SSH1: variants seen among roughly 807,000 people sequenced by gnomAD.
SSH1 encodes protein phosphatase Slingshot homolog 1.
Under a neutral mutation model 79.7 loss-of-function variants are expected in SSH1, and 43 were observed. The ratio of observed to expected loss-of-function variants is 0.54; its 90% CI spans 0.42 to 0.70. SSH1 has a LOEUF of 0.70. SSH1 is among the 30% of genes least tolerant of loss of function. SSH1 has a pLI of 0.00. For missense variants in SSH1, 1,206 were observed against 1,358.8 expected (o/e 0.89, Z 1.77); for synonymous variants, 599 against 538.3 (o/e 1.11, Z -1.56).
In SSH1 at chr12:108,782,389, G is replaced by A. The variant is rs1299714003; in HGVS notation, c.*5599C>T. Reference sequence around the variant, plus strand: ...TGTACGGGAAGAGAACCCACCCAAAGTCCAAATCCTTTCCTGGTGGGTAAC... The same window carrying A: ...TGTACGGGAAGAGAACCCACCCAAAATCCAAATCCTTTCCTGGTGGGTAAC... On this transcript the variant is annotated 3_prime_UTR_variant, in exon 15 of 15. Transcript: ENST00000326495. 6.6e-6 allele frequency: 1 copy of A among 151,826 alleles called. No individual in the cohort carries two copies. The highest frequency in any genetic ancestry group is 1.9e-4 in the East Asian group (1 of 5,186). The allele number at this position is 151,826 out of a possible 1,614,324, so 9.4% of individuals were successfully genotyped here.
chr12:108,840,132 G>A (rs1337817616), intron 2 of SSH1, among the ~76,000 whole-genome samples: 3 of 152,140 alleles, frequency 2.0e-5, no homozygotes, highest in African/African-American at 2.4e-5. Context: ...GCTGGCCAGC[G>A]TGGCTTCCTC....
chr12:108,823,825 G>A (rs2137193182), intron 2 of SSH1, among the ~76,000 whole-genome samples: 1 of 152,234 alleles, frequency 6.6e-6, no homozygotes, highest in South Asian at 2.1e-4. Context: ...GTGCCACCAT[G>A]GCCAGCTAAT....
chr12:108,810,777 C>G (rs893599723), intron 6 of SSH1, among the ~76,000 whole-genome samples: 1 of 152,242 alleles, frequency 6.6e-6, no homozygotes, highest in Non-Finnish European at 1.5e-5. Context: ...CATCCCCCGA[C>G]TGCCTGCCCG....
At chr12:108,827,309 G>A (rs1460636393) in intron 2 of SSH1, 8 of 1,551,132 alleles carry the variant, frequency 5.2e-6, no homozygotes, top group Non-Finnish European at 7.0e-6. Context: ...TGGGTTGGCT[G>A]AAGGAAGATG....
At chr12:108,814,243 T>G (rs1168617657) in intron 5 of SSH1, among the ~76,000 whole-genome samples, 2 of 151,760 alleles carry the variant, frequency 1.3e-5, no homozygotes, top group Admixed American at 1.3e-4. Flanking sequence ...AACAAAAACT[T>G]TGAGAGTGCG....
intron 2 of SSH1, among the ~76,000 whole-genome samples, chr12:108,825,757 C>T (rs2038286755): frequency 6.6e-6 from 1 of 152,184 alleles, no homozygotes; most frequent in Non-Finnish European, 1.5e-5. Context: ...CGAGAAGCAG[C>T]CTTTCTTTGC....
chr12:108,845,137 A>G (rs1421553729), intron 2 of SSH1, among the ~76,000 whole-genome samples: 3 of 148,942 alleles, frequency 2.0e-5, no homozygotes, highest in African/African-American at 7.4e-5. Flanking sequence ...TGAACCCAGG[A>G]GGCAGAGGCT....
intron 2 of SSH1, among the ~76,000 whole-genome samples, chr12:108,850,698 T>G (rs961369273): frequency 1.8e-5 from 1 of 56,012 alleles, no homozygotes; most frequent in Non-Finnish European, 3.3e-5. Flanking sequence ...GGAGGGGATT[T>G]GGGGGAGGGA....
chr12:108,811,514 T>G (rs2037596823), intron 5 of SSH1, 186 bp from the exon 6 acceptor site: 1 of 654,962 alleles, frequency 1.5e-6, no homozygotes, highest in Non-Finnish European at 2.8e-6. Flanking sequence ...TGGACACAAC[T>G]CCGTAAGTGC....
chr12:108,827,766 CTCTT>C (rs2038363950), intron 2 of SSH1, among the ~76,000 whole-genome samples: 1 of 152,212 alleles, frequency 6.6e-6, no homozygotes, highest in Non-Finnish European at 1.5e-5. Flanking sequence ...TGAAGGATGA[CTCTT>C]TCTTTCAAAT....
At chr12:108,789,526 G>C (rs567633085) in intron 14 of SSH1, among the ~76,000 whole-genome samples, 1 of 152,156 alleles carries the variant, frequency 6.6e-6, no homozygotes, top group Non-Finnish European at 1.5e-5. Context: ...CTAAGTGAAC[G>C]TGACACATGC....
chr12:108,830,216 C>A (rs1483500145), intron 2 of SSH1, among the ~76,000 whole-genome samples: 2 of 152,154 alleles, frequency 1.3e-5, no homozygotes, highest in African/African-American at 4.8e-5. Context: ...CTTTGGGAGG[C>A]CAAGGTGGGT....
At chr12:108,827,372 C>G in intron 2 of SSH1, 1 of 1,536,830 alleles carries the variant, frequency 6.5e-7, no homozygotes, top group Admixed American at 2.0e-5. Context: ...ACATCTCTAA[C>G]GCTCCCTACA....
At chr12:108,828,027 C>T (rs1478261157) in intron 2 of SSH1, among the ~76,000 whole-genome samples, 3 of 152,132 alleles carry the variant, frequency 2.0e-5, no homozygotes, top group Admixed American at 2.0e-4. Context: ...CCTCCAGGCA[C>T]AAGCCAGCCA....
In SSH1 at chr12:108,851,349, T is replaced by G. The variant is rs748928816; in HGVS notation, c.110+1289A>C. On this transcript the variant is annotated intron_variant, in intron 2 of 14. Transcript: ENST00000326495. ...ATTTCTACCAGTTCTGCATATGAGT[T>G]TGACCAGAACACCCTGCTGTCGGTA... is the stretch of plus-strand genomic sequence containing the variant. Among the ~76,000 whole-genome samples the G allele has an allele frequency of 7.2e-5, 11 of 152,340 alleles. 1 individual carries two copies. In the South Asian group the frequency reaches 2.3e-3, roughly 32 times the overall value.
chr12:108,854,753 A>G, intron 1 of SSH1, among the ~76,000 whole-genome samples: 1 of 152,232 alleles, frequency 6.6e-6, no homozygotes, highest in South Asian at 2.1e-4. Context: ...ACATCTGCCA[A>G]GGAACACATG....
Position 108,805,151 on chromosome 12 carries a change from T to C in SSH1, c.859A>G (p.Asn287Asp). The change falls in exon 10 of 15, where the codon AAC becomes GAC. Residue 287 changes from asparagine to aspartate, a missense_variant. Coordinates refer to ENST00000326495, the MANE Select transcript of SSH1 (RefSeq NM_018984.4). The part of the protein sequence containing the change: ...RNELEKQMNC[N>D]LKELKEFIDN... The stretch of plus-strand genomic sequence containing the variant: ...ATAAATTCCTTGAGTTCCTTCAAGT[T>C]ACAATTCATCTGTTTCTCTAATTCA... 6.2e-7 allele frequency: 1 copy of C among 1,613,684 alleles called. No individual in the cohort carries two copies. The highest frequency in any genetic ancestry group is 1.1e-5 in the South Asian group (1 of 91,080).
chr12:108,845,674 C>T (rs1056708192), intron 2 of SSH1, among the ~76,000 whole-genome samples: 7 of 152,102 alleles, frequency 4.6e-5, no homozygotes, highest in African/African-American at 1.7e-4. Context: ...GCAACGTGAG[C>T]GAAACTCCAT....
At chr12:108,809,456 CAA>C (rs200047288) in intron 7 of SSH1, among the ~76,000 whole-genome samples, 13 of 114,176 alleles carry the variant, frequency 1.1e-4, no homozygotes, top group Non-Finnish European at 1.3e-4. Flanking sequence ...GACCCTGTCT[CAA>C]AAAAAAAAAA....
Sources: gnomAD v4.1 joint callset for allele counts (sites outside exome capture counted in the v4.1 genomes callset) on GRCh38, gnomAD v4.1.1 for gene constraint, MANE v1.5 for transcripts, NCBI Gene and HGNC (gene_info 2026-07-23, HGNC 2026-07-21) for gene names.